Variants in SSBP3 observed in about 807,000 individuals in gnomAD.
The protein encoded by SSBP3 is single stranded DNA binding protein 3, also known as single-stranded DNA-binding protein 3.
Under a neutral mutation model 69.6 loss-of-function variants are expected in SSBP3, and 5 were observed. The ratio of observed to expected loss-of-function variants is 0.07; its 90% CI spans 0.04 to 0.15. SSBP3 has a LOEUF of 0.15. Ranked by LOEUF, SSBP3 falls within the 10% of genes least tolerant of loss-of-function variation. The pLI is 1.00. For synonymous variants in SSBP3, 196 were observed against 193.4 expected (o/e 1.01, Z -0.11); for missense variants, 312 against 534.0 (o/e 0.58, Z 4.10).
At chr1:54,326,504 T>G (rs1259549211) in intron 4 of SSBP3, 2 of 152,204 alleles carry the variant, frequency 1.3e-5, no homozygotes, top group African/African-American at 4.8e-5. Context: ...AAGCTTATTC[T>G]ATTTAGCCAC....
chr1:54,327,076 G>C (rs950096310), intron 4 of SSBP3, among the ~76,000 whole-genome samples: 17 of 152,000 alleles, frequency 1.1e-4, no homozygotes, highest in Non-Finnish European at 2.9e-5. Flanking sequence ...AGGCACTTGG[G>C]ATTAGGGGTG....
At chr1:54,300,750 C>T (rs1645786574) in intron 4 of SSBP3, among the ~76,000 whole-genome samples, 1 of 152,228 alleles carries the variant, frequency 6.6e-6, no homozygotes, top group South Asian at 2.1e-4. Context: ...CCTTCACCTA[C>T]TCTGTCTCCA....
At chr1:54,252,376 G>A (rs549605667) in intron 7 of SSBP3, among the ~76,000 whole-genome samples, 13 of 152,354 alleles carry the variant, frequency 8.5e-5, no homozygotes, top group African/African-American at 3.1e-4. Context: ...GGGGAAAAGA[G>A]GATGAGGAGG....
chr1:54,402,705 G>A (rs1265610220), intron 3 of SSBP3, among the ~76,000 whole-genome samples: 1 of 152,168 alleles, frequency 6.6e-6, no homozygotes, highest in Non-Finnish European at 1.5e-5. Flanking sequence ...GGGAAAGAAG[G>A]AAGCAGGCCT....
chr1:54,390,403 C>T (rs1389133455), intron 4 of SSBP3, among the ~76,000 whole-genome samples: 1 of 152,126 alleles, frequency 6.6e-6, no homozygotes, highest in African/African-American at 2.4e-5. Context: ...TCTCTTCCAG[C>T]TCTCTCTGAA....
At chr1:54,381,991 C>G (rs771243362) in intron 4 of SSBP3, among the ~76,000 whole-genome samples, 2 of 152,164 alleles carry the variant, frequency 1.3e-5, no homozygotes, top group Admixed American at 6.5e-5. Flanking sequence ...GTCAGGAGTT[C>G]GAGATCAGCC....
At chr1:54,256,004 G>A (rs555651283) in intron 7 of SSBP3, among the ~76,000 whole-genome samples, 4 of 151,962 alleles carry the variant, frequency 2.6e-5, no homozygotes, top group East Asian at 1.9e-4. Context: ...CCCAGGAGGC[G>A]GACGGAGGTT....
intron 5 of SSBP3, among the ~76,000 whole-genome samples, chr1:54,269,689 G>A (rs1415796149): frequency 6.6e-6 from 1 of 152,240 alleles, no homozygotes; most frequent in Non-Finnish European, 1.5e-5. Context: ...GGAGAAGGCT[G>A]CAGCCTATAG....
chr1:54,264,014 A>C (rs528643170), intron 5 of SSBP3, among the ~76,000 whole-genome samples: 1 of 152,208 alleles, frequency 6.6e-6, no homozygotes, highest in African/African-American at 2.4e-5. Context: ...CAAAAGCAAA[A>C]CGAACAGGCT....
chr1:54,238,021 A>G (rs575354050), intron 14 of SSBP3: 3 of 395,828 alleles, frequency 7.6e-6, no homozygotes, highest in South Asian at 5.8e-5. Context: ...AACCTTCTGC[A>G]TCACTGACAA....
intron 4 of SSBP3, among the ~76,000 whole-genome samples, chr1:54,353,991 G>A (rs540031363): frequency 1.6e-3 from 240 of 152,220 alleles, no homozygotes; most frequent in African/African-American, 5.4e-3. Context: ...ACTAGAAACC[G>A]AACTGGACCC....
intron 4 of SSBP3, among the ~76,000 whole-genome samples, chr1:54,387,624 A>G (rs902422253): frequency 6.6e-6 from 1 of 152,238 alleles, no homozygotes; most frequent in African/African-American, 2.4e-5. Context: ...TAACCTAACC[A>G]GCATGATACA....
chr1:54,411,702 C>A (rs1649996112), intron 1 of SSBP3, among the ~76,000 whole-genome samples: 1 of 151,834 alleles, frequency 6.6e-6, no homozygotes, highest in Non-Finnish European at 1.5e-5. Context: ...ACCATCCTGG[C>A]TAACACAGTG....
At chr1:54,264,783 G>A (rs770390504) in intron 5 of SSBP3, among the ~76,000 whole-genome samples, 2 of 152,208 alleles carry the variant, frequency 1.3e-5, no homozygotes, top group African/African-American at 2.4e-5. Flanking sequence ...GAAGGCTGCT[G>A]AGGAAAGGGG....
At chr1:54,249,162 C>A (rs758109951) in intron 9 of SSBP3, among the ~76,000 whole-genome samples, 2 of 152,308 alleles carry the variant, frequency 1.3e-5, no homozygotes, top group Non-Finnish European at 2.9e-5. Flanking sequence ...TCCTGAACTG[C>A]CAGCACACCC....
chr1:54,243,277 G>C, exon 10 of SSBP3: 1 of 1,613,986 alleles, frequency 6.2e-7, no homozygotes, highest in Non-Finnish European at 8.5e-7. Context: ...GTTGGGTGGT[G>C]GTCTCATGCC....
At chr1:54,306,016 C>T (rs1299215559) in intron 4 of SSBP3, among the ~76,000 whole-genome samples, 1 of 151,696 alleles carries the variant, frequency 6.6e-6, no homozygotes, top group African/African-American at 2.4e-5. Flanking sequence ...CCACATTCCT[C>T]GGTAGCCCTT....
intron 4 of SSBP3, among the ~76,000 whole-genome samples, chr1:54,373,320 G>A (rs1647166098): frequency 6.6e-6 from 1 of 152,116 alleles, no homozygotes; most frequent in Admixed American, 6.5e-5. Context: ...TTCCCTGTCT[G>A]GGACTCGGTT....
chr1:54,368,851 T>G (rs2100665547), intron 4 of SSBP3, among the ~76,000 whole-genome samples: 1 of 152,294 alleles, frequency 6.6e-6, no homozygotes, highest in South Asian at 2.1e-4. Flanking sequence ...TAGGGAATCT[T>G]CAGGCAAGTC....
Sources: allele counts gnomAD v4.1 joint callset (sites outside exome capture counted in the v4.1 genomes callset), GRCh38; gene constraint gnomAD v4.1.1; transcripts MANE v1.5; gene names NCBI Gene and HGNC (gene_info 2026-07-23, HGNC 2026-07-21).